Variants in TIPIN observed in about 807,000 individuals in gnomAD.
The protein encoded by TIPIN is TIMELESS interacting protein.
In TIPIN, 29 loss-of-function variants were observed where a neutral mutation model predicts 35.6. That is an observed-to-expected ratio of 0.82 (90% confidence interval 0.61 to 1.11). The LOEUF is 1.11. TIPIN is among the 50% of genes most tolerant of loss of function. The pLI is 0.00. For missense variants in TIPIN, 296 were observed against 345.4 expected, an observed-to-expected ratio of 0.86 and a Z score of 1.13; for synonymous variants, 102 against 121.5, an observed-to-expected ratio of 0.84 and a Z score of 1.06.
At chr15:66,355,520 C>T (rs1302055564) in intron 1 of TIPIN, among the ~76,000 whole-genome samples, 4 of 151,630 alleles carry the variant, frequency 2.6e-5, no homozygotes, top group African/African-American at 9.7e-5. Context: ...GAGGCAGAGG[C>T]GGACGGATCA....
At chr15:66,339,892 C>T (rs900615042) in intron 7 of TIPIN, among the ~76,000 whole-genome samples, 51 of 149,966 alleles carry the variant, frequency 3.4e-4, no homozygotes, top group African/African-American at 7.6e-4. Context: ...TTTTTTGAGA[C>T]GGAGTCTTGC....
upstream of TIPIN, among the ~76,000 whole-genome samples, chr15:66,360,794 T>C (rs1566980719): frequency 6.6e-6 from 1 of 152,064 alleles, no homozygotes; most frequent in Non-Finnish European, 1.5e-5. Flanking sequence ...TGGTGAAAAC[T>C]CATCTCTACT....
At position 66,336,753 on chromosome 15, in the gene TIPIN, T is replaced by C; in HGVS notation, c.*205A>G. The C allele has an allele frequency of 3.9e-6, 2 of 517,702 alleles. No individual in the cohort carries two copies. Among genetic ancestry groups the C allele is most frequent in the Non-Finnish European group, 6.9e-6 (2 of 290,472 alleles). 32.1% of individuals were successfully genotyped at this position (517,702 alleles called of 1,614,324 possible). On this transcript the variant is annotated 3_prime_UTR_variant, in exon 8 of 8. Coordinates refer to ENST00000261881, the MANE Select transcript of TIPIN (RefSeq NM_017858.3). ...TAATCATTTTATGAAGAAATACCTA[T>C]ATAAAAACAAACACTAAAGAGAACA...
At position 66,356,649 on chromosome 15, in the gene TIPIN, A is replaced by G; in HGVS notation, c.-19T>C. ...CCAGCCAGCTCTCACCTCACGCAGA[A>G]AACACGGGACACAGCGCGGACCTCG... On this transcript the variant is annotated 5_prime_UTR_variant, in exon 1 of 8. Transcript: ENST00000261881. The G allele has an allele frequency of 1.0e-6, 1 of 985,948 alleles. No individual in the cohort carries two copies. The highest frequency in any genetic ancestry group is 1.2e-6 in the Non-Finnish European group (1 of 830,338). 61.1% of individuals were successfully genotyped at this position (985,948 alleles called of 1,614,324 possible).
At chr15:66,376,255 C>A (rs540590576) in intron 1 of TIPIN, among the ~76,000 whole-genome samples, 1 of 152,028 alleles carries the variant, frequency 6.6e-6, no homozygotes, top group African/African-American at 2.4e-5. Flanking sequence ...TTGGAATGAC[C>A]GTACTGTATA....
In TIPIN at chr15:66,337,194, A is replaced by G. The variant is rs1346514509; in HGVS notation, c.683-13T>C. ...TTCATTAACATATCTGAAAGAAATC[A>G]TACCATTATTATTCATTATAAGTAC... On this transcript the variant is annotated splice_polypyrimidine_tract_variant and intron_variant, in intron 7 of 7. Transcript: ENST00000261881. 4 of 1,605,772 alleles carry G rather than the reference A, an allele frequency of 2.5e-6. No individual in the cohort carries two copies. In the Admixed American group the frequency reaches 5.0e-5, roughly 20 times the overall value.
At chr15:66,357,053 A>C (rs547854191), upstream of TIPIN, among the ~76,000 whole-genome samples, 2 of 151,842 alleles carry the variant, frequency 1.3e-5, no homozygotes, top group Middle Eastern at 3.4e-3. Context: ...TCCCCGACTA[A>C]CACCACCACA....
At chr15:66,341,467 T>C in intron 6 of TIPIN, 111 bp from the exon 7 acceptor site, 1 of 818,502 alleles carries the variant, frequency 1.2e-6, no homozygotes, top group Admixed American at 2.8e-5. Flanking sequence ...AAACAATTTG[T>C]GAAGTATAAG....
chr15:66,342,066 C>G (rs2093091181), intron 6 of TIPIN, among the ~76,000 whole-genome samples: 1 of 151,822 alleles, frequency 6.6e-6, no homozygotes, highest in African/African-American at 2.4e-5. Flanking sequence ...TGCCTATAAT[C>G]CCAGCTACTC....
upstream of TIPIN, among the ~76,000 whole-genome samples, chr15:66,357,722 C>G (rs1267691851): frequency 2.6e-5 from 4 of 151,886 alleles, no homozygotes; most frequent in East Asian, 3.9e-4. Flanking sequence ...CTTTGGGAGG[C>G]CGAGGCGGGC....
chr15:66,343,592 C>T (rs920093844), intron 6 of TIPIN, among the ~76,000 whole-genome samples: 19 of 152,152 alleles, frequency 1.2e-4, no homozygotes. Context: ...CTTTTCCTTC[C>T]TGACATGGAA....
chr15:66,370,073 A>G (rs2093272315), intron 1 of TIPIN, among the ~76,000 whole-genome samples: 1 of 152,226 alleles, frequency 6.6e-6, no homozygotes, highest in South Asian at 2.1e-4. Flanking sequence ...CTTGAAAATA[A>G]GAATATCCGG....
intron 3 of TIPIN, among the ~76,000 whole-genome samples, chr15:66,351,918 C>T (rs528719115): frequency 4.8e-5 from 7 of 144,542 alleles, no homozygotes; most frequent in East Asian, 2.0e-4. Context: ...GGATTATAGG[C>T]GTGAGCTACC....
chr15:66,341,081 A>G lies in TIPIN; in HGVS notation c.682+69T>C, dbSNP rs1422154118. 55 of 1,401,768 alleles carry G rather than the reference A, an allele frequency of 3.9e-5. No individual in the cohort carries two copies. The East Asian group carries it at 1.2e-3, about 31-fold the overall frequency. The allele number at this position is 1,401,768 out of a possible 1,614,324, so 86.8% of individuals were successfully genotyped here. ...AGTATTTTATTTTGGGGGCTAGCAG[A>G]GAAGTTAAAATTTCTAACATGTCCT... On this transcript the variant is annotated intron_variant, in intron 7 of 7. Transcript: ENST00000261881.
At chr15:66,362,337 G>A (rs545243974) in intron 1 of TIPIN, among the ~76,000 whole-genome samples, 8 of 151,898 alleles carry the variant, frequency 5.3e-5, no homozygotes, top group Admixed American at 3.3e-4. Flanking sequence ...ACTTTTGAAA[G>A]ACCAAAAATT....
upstream of TIPIN, among the ~76,000 whole-genome samples, chr15:66,358,815 G>C (rs2093218309): frequency 2.6e-5 from 4 of 152,196 alleles, no homozygotes; most frequent in South Asian, 8.3e-4. Context: ...AGGCCAAGGT[G>C]GGTGGATCAC....
chr15:66,362,091 G>A (rs913757032), intron 1 of TIPIN, among the ~76,000 whole-genome samples: 3 of 152,064 alleles, frequency 2.0e-5, no homozygotes, highest in Non-Finnish European at 2.9e-5. Context: ...ATCACCTGAG[G>A]TCAGGAGTTC....
intron 1 of TIPIN, chr15:66,371,317 A>C: frequency 1.0e-6 from 1 of 985,082 alleles, no homozygotes; most frequent in Non-Finnish European, 1.2e-6. Flanking sequence ...AATTTAAAAA[A>C]CAGAAAAATT....
intron 1 of TIPIN, chr15:66,379,211 T>C (rs1373711404): frequency 1.6e-5 from 21 of 1,318,778 alleles, no homozygotes; most frequent in Non-Finnish European, 2.1e-5. Flanking sequence ...TTGATGCACC[T>C]GGAATTTATT....
Sources: gnomAD v4.1 joint callset for allele counts (sites outside exome capture counted in the v4.1 genomes callset) on GRCh38, gnomAD v4.1.1 for gene constraint, MANE v1.5 for transcripts, NCBI Gene and HGNC (gene_info 2026-07-23, HGNC 2026-07-21) for gene names.